Variants in LITAF observed in about 807,000 individuals in gnomAD.
LITAF encodes the protein lipopolysaccharide-induced tumor necrosis factor-alpha factor.
LITAF carries 9 observed loss-of-function variants against 14.5 expected under a neutral mutation model. The ratio of observed to expected loss-of-function variants is 0.62; its 90% CI spans 0.37 to 1.08. The LOEUF (loss-of-function observed/expected upper bound fraction) is 1.08, where lower values mean the gene tolerates loss of function less well. Ranked by LOEUF, LITAF falls within the 50% of genes least tolerant of loss-of-function variation. LITAF has a pLI of 0.01. For missense variants in LITAF, 206 were observed against 213.4 expected, an observed-to-expected ratio of 0.97 and a Z score of 0.22; for synonymous variants, 98 against 88.2, an observed-to-expected ratio of 1.11 and a Z score of -0.62.
At chr16:11,626,444 A>AG (rs1315488098) in intron 3 of LITAF, among the ~76,000 whole-genome samples, 2 of 147,528 alleles carry the variant, frequency 1.4e-5, no homozygotes, top group Non-Finnish European at 3.1e-5. Flanking sequence ...CCTGGGTTCA[A>AG]GGGATTCTTC....
upstream of LITAF, among the ~76,000 whole-genome samples, chr16:11,590,299 G>A (rs540063598): frequency 8.5e-6 from 1 of 117,398 alleles, no homozygotes; most frequent in Non-Finnish European, 1.7e-5. Context: ...TAGTTAAAGT[G>A]GTATATCAGT....
intron 3 of LITAF, among the ~76,000 whole-genome samples, chr16:11,611,664 T>C (rs1209214980): frequency 6.8e-6 from 1 of 147,692 alleles, no homozygotes; most frequent in Non-Finnish European, 1.5e-5. Flanking sequence ...CTTTTTCTTT[T>C]TCTTTTTTTT....
rs543463608 is a variant in LITAF, at chr16:11,558,348, T to G, written c.-5-1613A>C. Reference sequence around the variant, plus strand: ...ACTCTGTGGAGCCGAGGTGGCAGGATAGCCTGAGCCCAGGATCTCAAGACT... The same window carrying G: ...ACTCTGTGGAGCCGAGGTGGCAGGAGAGCCTGAGCCCAGGATCTCAAGACT... On this transcript the variant is annotated intron_variant, in intron 1 of 3. Coordinates refer to ENST00000622633, the MANE Select transcript of LITAF (RefSeq NM_001136472.2). The surrounding 1 kb of genome is among the most constrained non-coding windows in gnomAD (Gnocchi z 4.1). 6.6e-6 allele frequency among the ~76,000 whole-genome samples: 1 copy of G among 152,142 alleles called. No homozygotes were observed. The highest frequency in any genetic ancestry group is 1.5e-5 in the Non-Finnish European group (1 of 68,006).
chr16:11,561,131 C>T (rs117769898), intron 1 of LITAF: 1 of 152,146 alleles, frequency 6.6e-6, no homozygotes, highest in African/African-American at 2.4e-5. Flanking sequence ...AAAACTGACT[C>T]GTATAAAAAC....
Position 11,586,713 on chromosome 16 carries a change from C to A in LITAF, c.-6+173G>T, listed in dbSNP as rs1444751472. ...AGGCCGGACCCCGCCCCGGCCGGGC[C>A]CCCACGCCCTCCGCCGCGCCTCGAT... On this transcript the variant is annotated intron_variant, in intron 1 of 3. Transcript: ENST00000622633. This position sits in a 1 kb window ranked among gnomAD's most constrained non-coding sequence, Gnocchi z 6.5. 6.6e-6 allele frequency among the ~76,000 whole-genome samples: 1 copy of A among 151,570 alleles called. No homozygotes were observed. The highest frequency in any genetic ancestry group is 1.5e-5 in the Non-Finnish European group (1 of 67,836).
At chr16:11,604,987 G>A (rs745710285) in intron 3 of LITAF, among the ~76,000 whole-genome samples, 11 of 152,120 alleles carry the variant, frequency 7.2e-5, no homozygotes, top group Non-Finnish European at 1.6e-4. Flanking sequence ...CTCCTGTGTC[G>A]GGAAGTTGGA....
intron 1 of LITAF, among the ~76,000 whole-genome samples, chr16:11,595,493 G>A (rs2064877483): frequency 6.6e-6 from 1 of 152,212 alleles, no homozygotes; most frequent in African/African-American, 2.4e-5. Context: ...ACTTTGGGAG[G>A]CCGAGGCGGG....
At chr16:11,576,568 G>C (rs1454699485) in intron 1 of LITAF, among the ~76,000 whole-genome samples, 2 of 133,544 alleles carry the variant, frequency 1.5e-5, no homozygotes, top group Admixed American at 7.4e-5. Flanking sequence ...GAGAGAGAAA[G>C]AGAAAAAGAG....
intron 3 of LITAF, among the ~76,000 whole-genome samples, chr16:11,616,652 A>C (rs9936756): frequency 1.2e-4 from 18 of 152,208 alleles, no homozygotes; most frequent in Admixed American, 3.9e-4. Flanking sequence ...ATCACAGGCT[A>C]CCCTCTGGCC....
upstream of LITAF, among the ~76,000 whole-genome samples, chr16:11,602,297 A>G (rs891816904): frequency 1.3e-5 from 2 of 152,190 alleles, no homozygotes; most frequent in Non-Finnish European, 2.9e-5. Flanking sequence ...CGGAGGTTAC[A>G]GTGAGCTGAG....
intron 3 of LITAF, among the ~76,000 whole-genome samples, chr16:11,610,150 T>TG (rs559426569): frequency 1.3e-3 from 198 of 152,208 alleles, no homozygotes; most frequent in African/African-American, 4.5e-3. Flanking sequence ...GACTGGGTGG[T>TG]GGGGGGACCC....
At chr16:11,635,301 C>G (rs1367344968) in intron 2 of LITAF, among the ~76,000 whole-genome samples, 1 of 152,188 alleles carries the variant, frequency 6.6e-6, no homozygotes, top group Non-Finnish European at 1.5e-5. Context: ...CACGCATGCA[C>G]GCATGTAGAT....
At chr16:11,552,842 G>C (rs1038241981) in intron 3 of LITAF, among the ~76,000 whole-genome samples, 1 of 152,114 alleles carries the variant, frequency 6.6e-6, no homozygotes, top group Admixed American at 6.6e-5. Flanking sequence ...GGCCAGGCAT[G>C]ATGGCCCACA....
In LITAF at chr16:11,586,600, G is replaced by C. The variant is rs1386074268; in HGVS notation, c.-6+286C>G. ...CGCGAAGGGCGCTCGTTCGGGTGGG[G>C]GCCGGACGACCCCGCCACGCGCGAT... On this transcript the variant is annotated intron_variant, in intron 1 of 3. Coordinates refer to ENST00000622633, the MANE Select transcript of LITAF (RefSeq NM_001136472.2). The surrounding 1 kb of genome is among the most constrained non-coding windows in gnomAD (Gnocchi z 6.5). Among the ~76,000 whole-genome samples the C allele has an allele frequency of 6.6e-6, 1 of 151,808 alleles. No homozygotes were observed. Among genetic ancestry groups the C allele is most frequent in the African/African-American group, 2.4e-5 (1 of 41,398 alleles).
chr16:11,598,489 G>A (rs1267771055), exon 1 of LITAF: 1 of 152,210 alleles, frequency 6.6e-6, no homozygotes, highest in African/African-American at 2.4e-5. Context: ...CTCAAGGCGG[G>A]TTTCTTTTCC....
chr16:11,602,674 A>G (rs1165026396), upstream of LITAF, among the ~76,000 whole-genome samples: 2 of 148,942 alleles, frequency 1.3e-5, no homozygotes, highest in East Asian at 4.0e-4. Context: ...TGCCACAAGT[A>G]TGGTTGAGTT....
intron 1 of LITAF, among the ~76,000 whole-genome samples, chr16:11,593,870 T>C (rs944812696): frequency 5.3e-5 from 8 of 152,110 alleles, no homozygotes; most frequent in Non-Finnish European, 1.2e-4. Flanking sequence ...ATGAGGTTTC[T>C]TTTTAGGGTG....
intron 2 of LITAF, among the ~76,000 whole-genome samples, chr16:11,554,806 AAAAAG>A (rs1407772344): frequency 6.6e-6 from 1 of 151,690 alleles, no homozygotes; most frequent in Non-Finnish European, 1.5e-5. Flanking sequence ...AAAAAAAAAA[AAAAAG>A]AGAGAACCCA....
At chr16:11,635,034 A>AAAAATAAAAT (rs55724396) in intron 2 of LITAF, among the ~76,000 whole-genome samples, 4 of 141,968 alleles carry the variant, frequency 2.8e-5, no homozygotes, top group Admixed American at 1.4e-4. Context: ...ACTCCATCTC[A>AAAAATAAAAT]AAAATAAAAT....
Sources: gnomAD v4.1 joint callset for allele counts (sites outside exome capture counted in the v4.1 genomes callset) on GRCh38, gnomAD v4.1.1 for gene constraint, Gnocchi (gnomAD v3.1) non-coding constraint, MANE v1.5 for transcripts, NCBI Gene and HGNC (gene_info 2026-07-23, HGNC 2026-07-21) for gene names.